Variants in TMPRSS7 observed in about 807,000 individuals in gnomAD.
TMPRSS7 encodes transmembrane protease serine 7.
A neutral mutation model predicts 95.6 loss-of-function variants in TMPRSS7; 81 were observed. That is an observed-to-expected ratio of 0.85 (90% confidence interval 0.71 to 1.02). The LOEUF (loss-of-function observed/expected upper bound fraction) is 1.02, where lower values mean the gene tolerates loss of function less well. Among genes scored for constraint, TMPRSS7 ranks in the 50% least tolerant of loss-of-function variants. The pLI is 0.00. For missense variants in TMPRSS7, 945 were observed against 955.2 expected (o/e 0.99, Z 0.14); for synonymous variants, 364 against 337.8 (o/e 1.08, Z -0.85).
Position 112,045,403 on chromosome 3 carries a change from C to A in TMPRSS7, c.498-347C>A, listed in dbSNP as rs1423284421. 3.3e-5 allele frequency among the ~76,000 whole-genome samples: 5 copies of A among 152,206 alleles called. No homozygotes were observed. The East Asian group carries it at 9.6e-4, about 29-fold the overall frequency. ...CCTCAGGTGATCTGCCTGCCTTAGCCTCCCAAAGTGCTGGGATTACAGGCG... is the reference window on the plus strand; with the variant it reads ...CCTCAGGTGATCTGCCTGCCTTAGCATCCCAAAGTGCTGGGATTACAGGCG... On this transcript the variant is annotated intron_variant, in intron 4 of 17. Transcript: ENST00000452346.
At chr3:112,066,820 A>C (rs2073582265) in intron 13 of TMPRSS7, among the ~76,000 whole-genome samples, 2 of 151,738 alleles carry the variant, frequency 1.3e-5, no homozygotes, top group African/African-American at 4.8e-5. Flanking sequence ...TGTTGAAAAC[A>C]CTTTTTTTCT....
At chr3:112,046,036 A>C in intron 5 of TMPRSS7, 93 bp downstream of exon 5, 30 of 1,095,736 alleles carry the variant, frequency 2.7e-5, no homozygotes, top group Non-Finnish European at 3.6e-5. Flanking sequence ...AAGCATTACA[A>C]TGTGGGATTA....
At chr3:112,077,083 T>C in exon 16 of TMPRSS7, 1 of 1,614,154 alleles carries the variant, frequency 6.2e-7, no homozygotes, top group East Asian at 2.2e-5. Context: ...CTCCCACTGG[T>C]CAGAGAGTTC....
In TMPRSS7 at chr3:112,048,866, CTAT is replaced by C. The variant is rs528704079; in HGVS notation, c.959+908_959+910del. 7.9e-5 allele frequency among the ~76,000 whole-genome samples: 12 copies of C among 152,238 alleles called. No homozygotes were observed. The East Asian group carries it at 2.3e-3, about 29-fold the overall frequency. ...TCAGCAAAATGCTATGAGGAGCATA[CTAT>C]TATTATTACTACTGAGGCAGGAGAA... is the stretch of plus-strand genomic sequence containing the variant. On this transcript the variant is annotated intron_variant, in intron 7 of 17. Coordinates refer to ENST00000452346, the Ensembl canonical transcript of TMPRSS7.
chr3:112,053,778 C>T (rs1188445998), intron 9 of TMPRSS7, among the ~76,000 whole-genome samples: 4 of 152,200 alleles, frequency 2.6e-5, no homozygotes, highest in Non-Finnish European at 5.9e-5. Context: ...ATCATGCCTC[C>T]TCCATAAATA....
In TMPRSS7 at chr3:112,061,894, C is replaced by T. The variant is rs16859132; in HGVS notation, c.1418C>T (p.Ala473Val). The stretch of plus-strand genomic sequence containing the variant: ...AGGCTTTCAGACAAGCCACTTTTGG[C>T]AGAATATGGCAGTTACAACATCAGT... The change falls in exon 11 of 18, where the codon GCA becomes GTA. Residue 473 changes from alanine (A) to valine (V), a missense_variant. By Grantham distance (64) the Ala-to-Val change is moderately conservative (BLOSUM62 0). Transcript: ENST00000452346. 17,249 of 1,610,454 alleles carry T rather than the reference C, an allele frequency of 0.011. 897 individuals carry two copies. In the African/African-American group the frequency reaches 0.14, roughly 13 times the overall value.
chr3:112,049,242 T>C (rs185087853), intron 7 of TMPRSS7, among the ~76,000 whole-genome samples: 24 of 152,320 alleles, frequency 1.6e-4, no homozygotes, highest in Non-Finnish European at 2.9e-4. Flanking sequence ...AAACCCAGAA[T>C]ACTTTGTAAC....
intron 4 of TMPRSS7, 46 bp from the exon 5 acceptor site, chr3:112,045,704 G>A: frequency 6.7e-7 from 1 of 1,493,530 alleles, no homozygotes; most frequent in South Asian, 1.4e-5. Flanking sequence ...TTTCTTCTCT[G>A]TAAAGTCCTA....
At chr3:112,070,470 T>C (rs1282640880) in intron 13 of TMPRSS7, among the ~76,000 whole-genome samples, 1 of 152,218 alleles carries the variant, frequency 6.6e-6, no homozygotes, top group Non-Finnish European at 1.5e-5. Context: ...TCTAAGTCTC[T>C]TTGTAGGTCT....
intron 4 of TMPRSS7, among the ~76,000 whole-genome samples, chr3:112,045,347 C>T (rs2073264604): frequency 1.3e-5 from 2 of 152,122 alleles, no homozygotes; most frequent in Admixed American, 1.3e-4. Flanking sequence ...AGGGTTTCAC[C>T]GTGTTAGTCA....
At chr3:112,080,784 TAC>T in intron 17 of TMPRSS7, 128 bp from the exon 18 acceptor site, 1 of 800,004 alleles carries the variant, frequency 1.2e-6, no homozygotes, top group Non-Finnish European at 1.9e-6. Flanking sequence ...CTTCCCAAAT[TAC>T]AGAGTGATTA....
chr3:112,060,790 TTAAAG>T (rs1299021169), intron 10 of TMPRSS7, among the ~76,000 whole-genome samples: 5 of 152,066 alleles, frequency 3.3e-5, no homozygotes, highest in African/African-American at 7.3e-5. Flanking sequence ...GATTAAGAGA[TTAAAG>T]TAAAGACAGG....
chr3:112,081,145 G>A (rs1305635033), exon 18 of TMPRSS7: 6 of 1,510,420 alleles, frequency 4.0e-6, no homozygotes, highest in Non-Finnish European at 5.3e-6. Flanking sequence ...AAATGATGCA[G>A]TAATTGGCTG....
At chr3:112,056,578 G>A (rs189795009) in intron 9 of TMPRSS7, among the ~76,000 whole-genome samples, 1 of 152,302 alleles carries the variant, frequency 6.6e-6, no homozygotes, top group East Asian at 1.9e-4. Context: ...ATCTAGGGGT[G>A]ACTCACTAAC....
intron 11 of TMPRSS7, among the ~76,000 whole-genome samples, chr3:112,062,125 TA>T (rs2073516661): frequency 6.6e-6 from 1 of 151,682 alleles, no homozygotes. Context: ...TTATTACTAC[TA>T]TACTTTGAAT....
chr3:112,053,438 A>G (rs1260190715), intron 9 of TMPRSS7, among the ~76,000 whole-genome samples: 1 of 152,158 alleles, frequency 6.6e-6, no homozygotes, highest in Non-Finnish European at 1.5e-5. Flanking sequence ...CCACTCAACA[A>G]TGCTTATTAA....
chr3:112,049,938 G>A (rs2107742576), exon 8 of TMPRSS7: 1 of 1,573,932 alleles, frequency 6.4e-7, no homozygotes, highest in Non-Finnish European at 8.7e-7. Context: ...GAGGCTCTCA[G>A]GAATCCGGGC....
chr3:112,049,696 G>A (rs2073321916), intron 7 of TMPRSS7, 148 bp from the exon 8 acceptor site: 1 of 566,752 alleles, frequency 1.8e-6, no homozygotes, highest in Non-Finnish European at 2.8e-6. Context: ...GCTACTAATG[G>A]ATGAGGATCT....
intron 13 of TMPRSS7, among the ~76,000 whole-genome samples, chr3:112,071,314 C>T (rs971408377): frequency 1.8e-4 from 27 of 152,272 alleles, no homozygotes; most frequent in Admixed American, 6.5e-4. Context: ...CCGAGAGATC[C>T]GCTGTTAGTT....
Sources: gnomAD v4.1 joint callset for allele counts (sites outside exome capture counted in the v4.1 genomes callset) on GRCh38, gnomAD v4.1.1 for gene constraint, MANE v1.5 for transcripts, NCBI Gene and HGNC (gene_info 2026-07-23, HGNC 2026-07-21) for gene names.